The following SLC11A2 variants were observed in gnomAD, a reference collection of about 807,000 sequenced individuals.
The protein encoded by SLC11A2 is natural resistance-associated macrophage protein 2.
A neutral mutation model predicts 68.0 loss-of-function variants in SLC11A2; 38 were observed. That is an observed-to-expected ratio of 0.56 (90% CI 0.43 to 0.73). SLC11A2 has a LOEUF of 0.73. Among genes scored for constraint, SLC11A2 ranks in the 30% least tolerant of loss-of-function variants. The pLI is 0.00. For missense variants in SLC11A2, 517 were observed against 690.5 expected (o/e 0.75, Z 2.82); for synonymous variants, 242 against 250.6 (o/e 0.97, Z 0.32).
chr12:50,960,331 T>G, the SLC11A2 span, among the ~76,000 whole-genome samples: 1 of 152,222 alleles, frequency 6.6e-6, no homozygotes, highest in Admixed American at 6.5e-5. Flanking sequence ...TCAAAAGCTG[T>G]GGGCACTGAG....
the SLC11A2 span, among the ~76,000 whole-genome samples, chr12:50,963,182 C>A: frequency 6.6e-6 from 1 of 151,580 alleles, no homozygotes. Context: ...CAAGCCTGGT[C>A]AACATGGTGA....
chr12:50,987,855 A>C lies in SLC11A2; in HGVS notation c.*470T>G. ...TCTAGTTGATAATTTGGTATAATTA[A>C]AATAACTGAAAAGGTAGGTATAAGG... On this transcript the variant is annotated 3_prime_UTR_variant, in exon 16 of 16. Coordinates refer to ENST00000262052, the MANE Select transcript of SLC11A2 (RefSeq NM_000617.3). 7.9e-7 allele frequency: 1 copy of C among 1,259,404 alleles called. No individual in the cohort carries two copies. The highest frequency in any genetic ancestry group is 1.0e-6 in the Non-Finnish European group (1 of 977,610). The allele number at this position is 1,259,404 out of a possible 1,614,324, so 78.0% of individuals were successfully genotyped here. A position where few individuals can be genotyped will look rare whatever the true frequency, so the allele number is the denominator to read the frequency against.
chr12:50,960,842 G>A, the SLC11A2 span: 125,574 of 733,480 alleles, frequency 0.17, 13,467 homozygotes, highest in East Asian at 0.49. Context: ...ATCACCATGT[G>A]TGGCTAATTT....
downstream of SLC11A2, among the ~76,000 whole-genome samples, chr12:50,974,556 C>T (rs1488732439): frequency 3.9e-5 from 6 of 152,100 alleles, no homozygotes; most frequent in South Asian, 2.1e-4. Context: ...TAAAGACCAT[C>T]GATGCTAGGA....
At chr12:50,973,013 C>G in the SLC11A2 span, among the ~76,000 whole-genome samples, 12 of 152,338 alleles carry the variant, frequency 7.9e-5, no homozygotes, top group South Asian at 2.5e-3. Context: ...CTGGGTGGAG[C>G]TCACCGCAGC....
rs984195678 is a variant in SLC11A2 at position 50,988,101 on chromosome 12, T to G, written c.*224A>C. On this transcript the variant is annotated 3_prime_UTR_variant, in exon 16 of 16. Transcript: ENST00000262052. ...AGTGTTGGAATGATAGCAGCAAATG[T>G]CAGCTTTTCAAAGATCCCACCCTAA... 1.8e-5 allele frequency: 26 copies of G among 1,474,446 alleles called. No individual in the cohort carries two copies. Among genetic ancestry groups the G allele is most frequent in the Non-Finnish European group, 2.3e-5 (25 of 1,109,188 alleles). 91.3% of individuals were successfully genotyped at this position (1,474,446 alleles called of 1,614,324 possible).
chr12:51,020,199 T>A (rs1404379624), intron 1 of SLC11A2, among the ~76,000 whole-genome samples: 1 of 150,222 alleles, frequency 6.7e-6, no homozygotes, highest in Non-Finnish European at 1.5e-5. Flanking sequence ...TAGCTGAGAC[T>A]ACAGGCACGT....
chr12:50,993,946 C>T (rs375697078), intron 11 of SLC11A2, among the ~76,000 whole-genome samples: 16 of 129,616 alleles, frequency 1.2e-4, no homozygotes, highest in African/African-American at 4.7e-4. Context: ...GAGCCATGAT[C>T]GAGCCACTGT....
At chr12:50,953,332 TG>T in the SLC11A2 span, among the ~76,000 whole-genome samples, 1 of 152,256 alleles carries the variant, frequency 6.6e-6, no homozygotes, top group Non-Finnish European at 1.5e-5. Context: ...ATTTGAATTC[TG>T]GGGTGAACAC....
downstream of SLC11A2, among the ~76,000 whole-genome samples, chr12:50,984,509 G>A (rs1940358001): frequency 6.6e-6 from 1 of 152,218 alleles, no homozygotes; most frequent in South Asian, 2.1e-4. Flanking sequence ...GATGCCCACA[G>A]AGTGTCACTT....
chr12:50,975,900 G>C (rs1479513077), downstream of SLC11A2, among the ~76,000 whole-genome samples: 2 of 152,102 alleles, frequency 1.3e-5, no homozygotes, highest in Non-Finnish European at 2.9e-5. Context: ...AGAAGAAATG[G>C]ATAAATTCCT....
rs531342750 is a variant in SLC11A2, at chr12:50,996,672, A to G, written c.831+145T>C. 272 of 779,722 alleles carry G rather than the reference A, an allele frequency of 3.5e-4. 4 individuals carry two copies. Among genetic ancestry groups the G allele is most frequent in the South Asian group, 3.2e-3 (221 of 68,488 alleles). 48.3% of individuals were successfully genotyped at this position (779,722 alleles called of 1,614,324 possible). ...GGTGATAAAAACAGCATCTAAGTAT[A>G]TGGAGTTTATAAATGTCCAGGCTTG... On this transcript the variant is annotated intron_variant, in intron 9 of 15. Transcript: ENST00000262052.
the SLC11A2 span, among the ~76,000 whole-genome samples, chr12:50,972,777 C>T: frequency 0.092 from 13,964 of 152,248 alleles, 944 homozygotes; most frequent in African/African-American, 0.19. Context: ...CCTGGAAAAT[C>T]GGGTCACTCC....
chr12:50,969,702 C>CA, the SLC11A2 span, among the ~76,000 whole-genome samples: 293 of 112,516 alleles, frequency 2.6e-3, no homozygotes, highest in Middle Eastern at 4.9e-3. Context: ...GACTCCATCT[C>CA]AAAAAAAAAA....
At chr12:51,009,871 C>T (rs1943058709) in intron 2 of SLC11A2, among the ~76,000 whole-genome samples, 1 of 152,092 alleles carries the variant, frequency 6.6e-6, no homozygotes, top group Admixed American at 6.6e-5. Context: ...AGATACGAAG[C>T]AGGTCTCTGG....
downstream of SLC11A2, among the ~76,000 whole-genome samples, chr12:50,975,547 T>C (rs531892534): frequency 1.4e-3 from 207 of 152,142 alleles, 1 homozygote; most frequent in African/African-American, 4.7e-3. Flanking sequence ...AGGAAAGATC[T>C]AAAATTGACA....
the SLC11A2 span, among the ~76,000 whole-genome samples, chr12:50,957,569 A>T: frequency 6.6e-6 from 1 of 151,936 alleles, no homozygotes; most frequent in Non-Finnish European, 1.5e-5. Context: ...ACTAACAAGA[A>T]GCATCTGGAA....
chr12:51,026,722 T>C (rs1454012409), upstream of SLC11A2, among the ~76,000 whole-genome samples: 1 of 152,052 alleles, frequency 6.6e-6, no homozygotes, highest in African/African-American at 2.4e-5. Flanking sequence ...CTACGAGGTA[T>C]AGCTCTATCC....
upstream of SLC11A2, chr12:51,026,469 A>T (rs899296445): frequency 2.1e-5 from 15 of 728,868 alleles, no homozygotes; most frequent in Non-Finnish European, 3.0e-5. Context: ...AGCGGCCGGG[A>T]TGCGTGGCCC....
Sources: allele counts gnomAD v4.1 joint callset (sites outside exome capture counted in the v4.1 genomes callset), GRCh38; gene constraint gnomAD v4.1.1; transcripts MANE v1.5; gene names NCBI Gene and HGNC (gene_info 2026-07-23, HGNC 2026-07-21).